The following PTPRM variants were observed in gnomAD, a reference collection of about 807,000 sequenced individuals.
PTPRM encodes protein tyrosine phosphatase receptor type M, also known as receptor-type tyrosine-protein phosphatase mu.
PTPRM carries 47 observed loss-of-function variants against 186.7 expected under a neutral mutation model. That is an observed-to-expected ratio of 0.25 (90% CI 0.20 to 0.32). The LOEUF (loss-of-function observed/expected upper bound fraction) is 0.32, where lower values mean the gene tolerates loss of function less well. PTPRM is among the 10% of genes least tolerant of loss of function. The pLI is 1.00. For synonymous variants in PTPRM, 668 were observed against 674.9 expected (o/e 0.99, Z 0.16); for missense variants, 1,494 against 1,865.0 (o/e 0.80, Z 3.66).
At chr18:8,028,622 T>G (rs975021697) in intron 7 of PTPRM, among the ~76,000 whole-genome samples, 2 of 152,204 alleles carry the variant, frequency 1.3e-5, no homozygotes, top group Non-Finnish European at 2.9e-5. Flanking sequence ...AGAGCCCGAC[T>G]TAGCAGTGGC....
At chr18:7,698,677 G>A (rs947770658) in intron 1 of PTPRM, among the ~76,000 whole-genome samples, 8 of 152,140 alleles carry the variant, frequency 5.3e-5, no homozygotes, top group African/African-American at 2.4e-5. Context: ...AGTAACACAA[G>A]CAGTTTTCCA....
intron 20 of PTPRM, among the ~76,000 whole-genome samples, chr18:8,300,001 C>T (rs1401688791): frequency 6.6e-6 from 1 of 152,146 alleles, no homozygotes; most frequent in Non-Finnish European, 1.5e-5. Flanking sequence ...TTTTTCAGCA[C>T]CCCAAACAGA....
intron 4 of PTPRM, among the ~76,000 whole-genome samples, chr18:7,917,266 G>C (rs552893167): frequency 1.3e-3 from 201 of 152,322 alleles, no homozygotes; most frequent in African/African-American, 4.7e-3. Context: ...AGGTGCGGTG[G>C]CTCACGCCTG....
At chr18:7,768,452 C>A (rs1281197207) in intron 1 of PTPRM, among the ~76,000 whole-genome samples, 2 of 152,120 alleles carry the variant, frequency 1.3e-5, no homozygotes. Context: ...AGGACTGTGC[C>A]ACTGCACTCA....
At chr18:7,792,309 A>T (rs751983213) in intron 2 of PTPRM, among the ~76,000 whole-genome samples, 7 of 151,910 alleles carry the variant, frequency 4.6e-5, no homozygotes, top group Non-Finnish European at 8.8e-5. Flanking sequence ...TGTGCTGGGG[A>T]GATGTGATTT....
chr18:8,246,450 G>A (rs2094477334), intron 15 of PTPRM, among the ~76,000 whole-genome samples: 1 of 152,160 alleles, frequency 6.6e-6, no homozygotes, highest in Non-Finnish European at 1.5e-5. Flanking sequence ...ATAGATACAG[G>A]TAGTGGGAAT....
intron 14 of PTPRM, among the ~76,000 whole-genome samples, chr18:8,152,549 C>T (rs752275661): frequency 2.0e-4 from 30 of 152,188 alleles, no homozygotes; most frequent in Admixed American, 5.9e-4. Flanking sequence ...TTCTACCCAT[C>T]GTGTGATTCC....
At position 7,960,480 on chromosome 18, in the gene PTPRM, TAC is replaced by T. The variant is rs74175819; in HGVS notation, c.1132+5093_1132+5094del. 0.02 allele frequency among the ~76,000 whole-genome samples: 1,742 copies of T among 86,402 alleles called. 93 individuals are homozygous for T. In the East Asian group the frequency reaches 0.26, roughly 13 times the overall value. The allele number at this position is 86,402 out of a possible 152,430, so 56.7% of individuals were successfully genotyped here. A position where few individuals can be genotyped will look rare whatever the true frequency, so the allele number is the denominator to read the frequency against. ...ATATATATATATATATATATATATA[TAC>T]ACACACACACACACACACACACACA... On this transcript the variant is annotated intron_variant, in intron 7 of 32. Coordinates refer to ENST00000580170, the MANE Select transcript of PTPRM (RefSeq NM_001105244.2).
intron 5 of PTPRM, among the ~76,000 whole-genome samples, chr18:7,942,278 G>A (rs574988559): frequency 3.6e-5 from 5 of 139,294 alleles, no homozygotes; most frequent in Admixed American, 1.4e-4. Context: ...GCAAGACTCC[G>A]TCTCAAAAAA....
intron 1 of PTPRM, among the ~76,000 whole-genome samples, chr18:7,644,425 T>A (rs1196573990): frequency 2.6e-5 from 4 of 152,198 alleles, no homozygotes. Context: ...AGTAGAATTG[T>A]ACGTCAGTTC....
At chr18:8,317,435 A>G (rs142807618) in intron 21 of PTPRM, among the ~76,000 whole-genome samples, 66 of 152,246 alleles carry the variant, frequency 4.3e-4, no homozygotes, top group African/African-American at 1.5e-3. Flanking sequence ...GGTGTTGAGC[A>G]GGCAGTGGGT....
intron 11 of PTPRM, among the ~76,000 whole-genome samples, chr18:8,101,280 A>G (rs1046829432): frequency 2.6e-5 from 4 of 152,226 alleles, no homozygotes; most frequent in African/African-American, 9.6e-5. Context: ...TGGGAGAATT[A>G]GTGACCTGTA....
At chr18:8,018,276 T>C (rs908125045) in intron 7 of PTPRM, among the ~76,000 whole-genome samples, 6 of 152,116 alleles carry the variant, frequency 3.9e-5, no homozygotes, top group African/African-American at 7.2e-5. Context: ...CTGGGCAACA[T>C]AGAGTTCATA....
chr18:7,607,851 T>C (rs1460846739), intron 1 of PTPRM, among the ~76,000 whole-genome samples: 3 of 152,220 alleles, frequency 2.0e-5, no homozygotes, highest in African/African-American at 7.2e-5. Flanking sequence ...CTGAACACGA[T>C]TTCCTTTTGC....
intron 1 of PTPRM, among the ~76,000 whole-genome samples, chr18:7,772,012 A>G (rs1285765598): frequency 6.6e-6 from 1 of 152,232 alleles, no homozygotes; most frequent in Non-Finnish European, 1.5e-5. Context: ...GGCTCGCAGA[A>G]GCTGAGAATG....
chr18:7,678,549 A>G (rs1033399804), intron 1 of PTPRM, among the ~76,000 whole-genome samples: 2 of 152,160 alleles, frequency 1.3e-5, no homozygotes, highest in Admixed American at 1.3e-4. Flanking sequence ...GGGCGTGTGC[A>G]GTTAACAGTT....
chr18:8,349,872 C>T (rs749972678), intron 23 of PTPRM, among the ~76,000 whole-genome samples: 10 of 152,240 alleles, frequency 6.6e-5, no homozygotes, highest in Non-Finnish European at 8.8e-5. Flanking sequence ...GTCCCAGTAG[C>T]AGCGTCCCCA....
At chr18:8,277,320 A>C (rs1458067454) in intron 19 of PTPRM, among the ~76,000 whole-genome samples, 1 of 152,196 alleles carries the variant, frequency 6.6e-6, no homozygotes, top group Non-Finnish European at 1.5e-5. Context: ...GATTTTCATC[A>C]TGTAAAGTGG....
At chr18:7,922,807 G>A in intron 4 of PTPRM, among the ~76,000 whole-genome samples, 1 of 152,130 alleles carries the variant, frequency 6.6e-6, no homozygotes, top group East Asian at 1.9e-4. Context: ...ATAAAAAAAA[G>A]GTTTTAATTA....
Sources: allele counts gnomAD v4.1 joint callset (sites outside exome capture counted in the v4.1 genomes callset), GRCh38; gene constraint gnomAD v4.1.1; transcripts MANE v1.5; gene names NCBI Gene and HGNC (gene_info 2026-07-23, HGNC 2026-07-21).